Variants in DGKB observed in about 807,000 individuals in gnomAD.
DGKB encodes 90 kDa diacylglycerol kinase.
A neutral mutation model predicts 114.3 loss-of-function variants in DGKB; 67 were observed. The ratio of observed to expected loss-of-function variants is 0.59; its 90% confidence interval spans 0.48 to 0.72. The LOEUF (loss-of-function observed/expected upper bound fraction) is 0.72, where lower values mean the gene tolerates loss of function less well. DGKB is among the 30% of genes least tolerant of loss of function. The pLI, the probability that DGKB is intolerant of heterozygous loss-of-function variation, is 0.00. For missense variants in DGKB, 907 were observed against 975.2 expected, an observed-to-expected ratio of 0.93 and a Z score of 0.93; for synonymous variants, 398 against 323.1, an observed-to-expected ratio of 1.23 and a Z score of -2.49.
At chr7:14,544,406 A>G (rs1306522108) in intron 20 of DGKB, among the ~76,000 whole-genome samples, 1 of 152,244 alleles carries the variant, frequency 6.6e-6, no homozygotes, top group African/African-American at 2.4e-5. Context: ...CACTGCTTGT[A>G]GAACAAAGTG....
At chr7:14,217,423 C>A (rs944006156) in intron 23 of DGKB, among the ~76,000 whole-genome samples, 3 of 151,922 alleles carry the variant, frequency 2.0e-5, no homozygotes, top group South Asian at 4.2e-4. Flanking sequence ...TATAATTTCA[C>A]TTTTTCCATT....
chr7:14,167,938 C>T (rs1784849233), intron 25 of DGKB, among the ~76,000 whole-genome samples: 1 of 152,080 alleles, frequency 6.6e-6, no homozygotes, highest in Non-Finnish European at 1.5e-5. Flanking sequence ...ATATGAATCA[C>T]AGAAAAATCT....
At chr7:14,232,084 C>T (rs1383626030) in intron 23 of DGKB, among the ~76,000 whole-genome samples, 1 of 152,066 alleles carries the variant, frequency 6.6e-6, no homozygotes, top group Non-Finnish European at 1.5e-5. Context: ...TGCTTTTATC[C>T]TCTCATATCC....
At chr7:14,286,579 A>G (rs774161659) in intron 23 of DGKB, among the ~76,000 whole-genome samples, 1 of 152,148 alleles carries the variant, frequency 6.6e-6, no homozygotes, top group Non-Finnish European at 1.5e-5. Flanking sequence ...TTGTGAACTT[A>G]TATCTGACTT....
At chr7:14,941,528 T>C (rs1364815020) in intron 1 of DGKB, among the ~76,000 whole-genome samples, 3 of 152,106 alleles carry the variant, frequency 2.0e-5, no homozygotes, top group Non-Finnish European at 2.9e-5. Flanking sequence ...ATTCCAAAAA[T>C]TGTATGCATA....
At chr7:14,309,575 T>C (rs916323072) in intron 23 of DGKB, among the ~76,000 whole-genome samples, 4 of 152,228 alleles carry the variant, frequency 2.6e-5, no homozygotes, top group African/African-American at 7.2e-5. Context: ...ATTTAAAAGT[T>C]TGAACTTCTA....
chr7:14,652,636 C>A (rs1328572290), intron 13 of DGKB, among the ~76,000 whole-genome samples: 1 of 149,008 alleles, frequency 6.7e-6, no homozygotes, highest in South Asian at 2.1e-4. Flanking sequence ...CAACAAAAGC[C>A]AAAATTGACA....
chr7:14,457,146 C>T (rs1180258717), intron 21 of DGKB, among the ~76,000 whole-genome samples: 3 of 152,050 alleles, frequency 2.0e-5, no homozygotes, highest in Non-Finnish European at 4.4e-5. Flanking sequence ...TTTAATTGTA[C>T]ACAAGTTAAA....
chr7:14,495,462 T>TTGAAAGGA (rs1487526970), intron 20 of DGKB, among the ~76,000 whole-genome samples: 2 of 151,950 alleles, frequency 1.3e-5, no homozygotes, highest in Admixed American at 1.3e-4. Flanking sequence ...AAAGAAGTTT[T>TTGAAAGGA]CAGGCTTATA....
chr7:14,392,982 G>GTTTTTTT (rs1298052301), intron 21 of DGKB, among the ~76,000 whole-genome samples: 2 of 27,468 alleles, frequency 7.3e-5, no homozygotes, highest in Non-Finnish European at 1.1e-4. Context: ...AAACAGACCT[G>GTTTTTTT]TTTTTTGTTT....
chr7:14,746,902 G>A (rs1833370743), intron 4 of DGKB, among the ~76,000 whole-genome samples: 1 of 151,868 alleles, frequency 6.6e-6, no homozygotes, highest in Non-Finnish European at 1.5e-5. Flanking sequence ...TAACATTTCT[G>A]TGTCAGATAA....
intron 17 of DGKB, among the ~76,000 whole-genome samples, chr7:14,594,945 A>G (rs1802309002): frequency 2.0e-5 from 3 of 152,132 alleles, no homozygotes; most frequent in Admixed American, 2.0e-4. Context: ...GATAGATTCC[A>G]GAGATTCAAA....
chr7:14,908,853 T>C (rs1465887114), intron 1 of DGKB, among the ~76,000 whole-genome samples: 2 of 152,182 alleles, frequency 1.3e-5, no homozygotes, highest in African/African-American at 4.8e-5. Context: ...AAGCACTTTG[T>C]TGAAAAAACA....
intron 21 of DGKB, among the ~76,000 whole-genome samples, chr7:14,454,965 C>G (rs903741871): frequency 2.0e-5 from 3 of 151,998 alleles, no homozygotes; most frequent in African/African-American, 7.2e-5. Context: ...GGCTTCAGAA[C>G]TGGTAAGAGG....
intron 2 of DGKB, among the ~76,000 whole-genome samples, chr7:14,765,409 C>A (rs1447433673): frequency 1.2e-4 from 18 of 151,974 alleles, no homozygotes; most frequent in Non-Finnish European, 1.3e-4. Context: ...CTAGTTAATT[C>A]CAAAATGACT....
At chr7:14,193,237 A>G (rs2128277301) in intron 23 of DGKB, among the ~76,000 whole-genome samples, 1 of 152,220 alleles carries the variant, frequency 6.6e-6, no homozygotes, top group South Asian at 2.1e-4. Context: ...ATAGCCAAAG[A>G]CATACTGAGC....
intron 20 of DGKB, among the ~76,000 whole-genome samples, chr7:14,515,815 T>C (rs980094757): frequency 6.6e-6 from 1 of 152,194 alleles, no homozygotes; most frequent in African/African-American, 2.4e-5. Context: ...AGAGGACTTC[T>C]CATTCCAAAT....
chr7:14,547,213 C>T (rs1022875564), intron 20 of DGKB, among the ~76,000 whole-genome samples: 14 of 152,118 alleles, frequency 9.2e-5, no homozygotes, highest in Admixed American at 5.2e-4. Context: ...ACGTACACCT[C>T]CACATCCTCA....
chr7:14,292,746 G>T (rs1801958513), intron 23 of DGKB, among the ~76,000 whole-genome samples: 1 of 152,138 alleles, frequency 6.6e-6, no homozygotes, highest in Admixed American at 6.6e-5. Flanking sequence ...CTGTGTACCT[G>T]CTGCTGTCTG....
Sources: gnomAD v4.1 joint callset for allele counts (sites outside exome capture counted in the v4.1 genomes callset) on GRCh38, gnomAD v4.1.1 for gene constraint, MANE v1.5 for transcripts, NCBI Gene and HGNC (gene_info 2026-07-23, HGNC 2026-07-21) for gene names.